The following DNAJC25 variants were observed in gnomAD, a reference collection of about 807,000 sequenced individuals.
The protein encoded by DNAJC25 is DnaJ heat shock protein family (Hsp40) member C25.
Under a neutral mutation model 42.1 loss-of-function variants are expected in DNAJC25, and 26 were observed. The observed-to-expected ratio is 0.62, with a 90% CI of 0.45 to 0.86. The LOEUF is 0.86. DNAJC25 is among the 40% of genes least tolerant of loss of function. DNAJC25 has a pLI of 0.00. For missense variants in DNAJC25, 404 were observed against 459.4 expected (o/e 0.88, Z 1.10); for synonymous variants, 189 against 179.9 (o/e 1.05, Z -0.40).
intron 2 of DNAJC25, among the ~76,000 whole-genome samples, chr9:111,647,480 G>T (rs573635432): frequency 6.6e-6 from 1 of 152,282 alleles, no homozygotes; most frequent in South Asian, 2.1e-4. Context: ...CAAAAATCCA[G>T]ACCCTTTTTC....
intron 1 of DNAJC25, among the ~76,000 whole-genome samples, chr9:111,644,420 C>A (rs1006908808): frequency 6.6e-6 from 1 of 152,112 alleles, no homozygotes; most frequent in African/African-American, 2.4e-5. Context: ...AAAATGGTGA[C>A]CCTGGTGAAA....
intron 1 of DNAJC25, among the ~76,000 whole-genome samples, chr9:111,637,784 T>C (rs1239870331): frequency 2.0e-5 from 3 of 152,232 alleles, no homozygotes; most frequent in Non-Finnish European, 4.4e-5. Context: ...TCATGTGATA[T>C]TGCTGACCAT....
chr9:111,649,146 A>C (rs1830610121), intron 2 of DNAJC25, among the ~76,000 whole-genome samples: 1 of 152,230 alleles, frequency 6.6e-6, no homozygotes, highest in Non-Finnish European at 1.5e-5. Context: ...GGAAGAGCCA[A>C]ATGGTAAAGA....
chr9:111,652,627 C>A (rs549137013), intron 3 of DNAJC25, among the ~76,000 whole-genome samples: 1 of 151,492 alleles, frequency 6.6e-6, no homozygotes, highest in Non-Finnish European at 1.5e-5. Context: ...CTGCAACCTC[C>A]GCCTCCCAGG....
intron 1 of DNAJC25, among the ~76,000 whole-genome samples, chr9:111,640,749 G>T: frequency 2.0e-5 from 2 of 102,138 alleles, no homozygotes; most frequent in African/African-American, 4.6e-5. Context: ...CGTCTGAGAA[G>T]TGAGGAGCCT....
At chr9:111,640,319 C>T (rs1589342752) in intron 1 of DNAJC25, among the ~76,000 whole-genome samples, 1 of 144,352 alleles carries the variant, frequency 6.9e-6, no homozygotes, top group Non-Finnish European at 1.5e-5. Flanking sequence ...CCCAAAGTGC[C>T]GAGATTGCAG....
intron 1 of DNAJC25, among the ~76,000 whole-genome samples, chr9:111,636,392 G>A (rs1003251757): frequency 6.6e-6 from 1 of 152,150 alleles, no homozygotes; most frequent in East Asian, 1.9e-4. Flanking sequence ...AAAATGAACT[G>A]CATGTATTAC....
At chr9:111,645,851 CA>C (rs1378059864) in intron 1 of DNAJC25, among the ~76,000 whole-genome samples, 1 of 152,074 alleles carries the variant, frequency 6.6e-6, no homozygotes, top group African/African-American at 2.4e-5. Flanking sequence ...AGTGTGATGG[CA>C]TGATCACATA....
Position 111,649,850 on chromosome 9 carries a change from A to G in DNAJC25, c.887A>G (p.Gln296Arg), listed in dbSNP as rs756690189. ...IRKSMKMSKS[Q>R]FDSLEDHQKE... ...AAATCTATGAAGATGTCAAAGTCTCAATTTGATAGTCTAGAAGATCATCAG... is the reference window on the plus strand; with the variant it reads ...AAATCTATGAAGATGTCAAAGTCTCGATTTGATAGTCTAGAAGATCATCAG... Residue 296 changes from glutamine (Q) to arginine (R), a missense_variant, in exon 3 of 4, where the codon CAA becomes CGA. Transcript: ENST00000313525. 6 of 1,611,996 alleles carry G rather than the reference A, an allele frequency of 3.7e-6. No homozygotes were observed. Among genetic ancestry groups the G allele is most frequent in the Admixed American group, 3.4e-5 (2 of 59,624 alleles).
intron 1 of DNAJC25, among the ~76,000 whole-genome samples, chr9:111,633,985 G>A (rs974213173): frequency 1.3e-4 from 20 of 152,148 alleles, no homozygotes; most frequent in African/African-American, 4.8e-4. Flanking sequence ...AAATATCTTG[G>A]AACAGGGGAG....
At chr9:111,632,057 A>G (rs1830291374) in intron 1 of DNAJC25, among the ~76,000 whole-genome samples, 1 of 152,254 alleles carries the variant, frequency 6.6e-6, no homozygotes, top group Non-Finnish European at 1.5e-5. Flanking sequence ...AAGCAGGGTG[A>G]TCATTATTAG....
chr9:111,653,132 GA>G lies in DNAJC25; in HGVS notation c.998del (p.Lys333SerfsTer15). The G allele has an allele frequency of 1.2e-6, 2 of 1,602,334 alleles. No individual in the cohort carries two copies. The highest frequency in any genetic ancestry group is 2.3e-5 in the East Asian group (1 of 44,324). Reference sequence around the variant, plus strand: ...AGCAAGAACAAGAGGAAGAATTAAAGAAAAAGTTGGCAAATGACCCCAGATG... The same window carrying G: ...AGCAAGAACAAGAGGAAGAATTAAAGAAAAGTTGGCAAATGACCCCAGATG... ...YKQEQEEELK[K>X]KLANDPRWKR... On this transcript the variant is annotated frameshift_variant, in exon 4 of 4. Transcript: ENST00000313525. LOFTEE classifies it high-confidence loss of function.
At chr9:111,647,926 G>A (rs919138062) in intron 2 of DNAJC25, among the ~76,000 whole-genome samples, 26 of 152,054 alleles carry the variant, frequency 1.7e-4, no homozygotes, top group South Asian at 1.5e-3. Flanking sequence ...CTACAGGCGC[G>A]CACCACCACA....
chr9:111,642,600 T>G (rs1830494156), intron 1 of DNAJC25, among the ~76,000 whole-genome samples: 1 of 85,300 alleles, frequency 1.2e-5, no homozygotes, highest in Non-Finnish European at 2.2e-5. Context: ...ACCCAAGAAT[T>G]ATCAATAAAT....
chr9:111,637,136 A>G (rs763187468), intron 1 of DNAJC25, among the ~76,000 whole-genome samples: 1 of 152,170 alleles, frequency 6.6e-6, no homozygotes, highest in Non-Finnish European at 1.5e-5. Context: ...ACATTTTGAG[A>G]TATTCACAGG....
rs1369343110 is a variant in DNAJC25, at chr9:111,653,138, G to T, written c.999G>T (p.Lys333Asn). 1.9e-6 allele frequency: 3 copies of T among 1,602,184 alleles called. No individual in the cohort carries two copies. In the South Asian group the frequency reaches 3.3e-5, roughly 18 times the overall value. ...AACAAGAGGAAGAATTAAAGAAAAA[G>T]TTGGCAAATGACCCCAGATGGAAGA... ...KQEQEEELKK[K>N]LANDPRWKRY... Residue 333 changes from lysine to asparagine, a missense_variant, in exon 4 of 4, where the codon AAG becomes AAT. By Grantham distance (94) the Lys-to-Asn change is moderately conservative. Coordinates refer to ENST00000313525, the MANE Select transcript of DNAJC25 (RefSeq NM_001015882.3).
intron 3 of DNAJC25, 52 bp from the exon 4 acceptor site, chr9:111,653,048 G>A: frequency 6.9e-7 from 1 of 1,459,038 alleles, no homozygotes; most frequent in East Asian, 2.5e-5. Flanking sequence ...TAAAGCTAAT[G>A]GCAAATGTTC....
chr9:111,648,520 G>A (rs765914746), intron 2 of DNAJC25, among the ~76,000 whole-genome samples: 6 of 151,516 alleles, frequency 4.0e-5, no homozygotes, highest in African/African-American at 1.2e-4. Context: ...TCCACTCACC[G>A]CAGCCTCTCA....
At chr9:111,641,487 G>A (rs1830463664) in intron 1 of DNAJC25, among the ~76,000 whole-genome samples, 1 of 86,992 alleles carries the variant, frequency 1.1e-5, no homozygotes, top group African/African-American at 5.3e-5. Context: ...GGGAAGTGAG[G>A]AGCCCCTCTG....
Sources: gnomAD v4.1 joint callset for allele counts (sites outside exome capture counted in the v4.1 genomes callset) on GRCh38, gnomAD v4.1.1 for gene constraint, MANE v1.5 for transcripts, NCBI Gene and HGNC (gene_info 2026-07-23, HGNC 2026-07-21) for gene names.